The following PCLO variants were observed in gnomAD, a reference collection of about 807,000 sequenced individuals.
PCLO encodes protein piccolo.
A neutral mutation model predicts 427.5 loss-of-function variants in PCLO; 82 were observed. The ratio of observed to expected loss-of-function variants is 0.19; its 90% CI spans 0.16 to 0.23. PCLO has a LOEUF of 0.23. Ranked by LOEUF, PCLO falls within the 10% of genes least tolerant of loss-of-function variation. The probability of loss-of-function intolerance (pLI) is 1.00; values close to 1 mark genes in which losing one functional copy is unlikely to be tolerated. For synonymous variants in PCLO, 2,357 were observed against 2,155.4 expected (o/e 1.09, Z -2.59); for missense variants, 6,239 against 6,115.9 (o/e 1.02, Z -0.67).
intron 15 of PCLO, among the ~76,000 whole-genome samples, chr7:82,836,658 G>A (rs1386029844): frequency 1.3e-5 from 2 of 152,160 alleles, no homozygotes; most frequent in East Asian, 3.9e-4. Context: ...TATAGCACCT[G>A]GCAATTTAAA....
intron 22 of PCLO, among the ~76,000 whole-genome samples, chr7:82,794,526 C>T (rs1288709111): frequency 1.7e-5 from 2 of 116,210 alleles, no homozygotes; most frequent in African/African-American, 6.3e-5. Context: ...GGCTAGAGTG[C>T]AGTGGCACGA....
rs745483644 is a variant in PCLO, at chr7:82,845,311, C to A, written c.14006G>T (p.Gly4669Val). The change falls in exon 13 of 25, where the codon GGG becomes GTG. Residue 4669 changes from glycine (G) to valine (V), a missense_variant. By Grantham distance (109) the Gly-to-Val change is moderately radical (BLOSUM62 -3). Transcript: ENST00000333891. ...SSSVPSPGQP[G>V]SPSVSKKKHG... Reference sequence around the variant, plus strand: ...CTTCTTTTTGCTCACTGAGGGGGACCCTGGTTGCCCAGGGCTGGGAACGGA... The same window carrying A: ...CTTCTTTTTGCTCACTGAGGGGGACACTGGTTGCCCAGGGCTGGGAACGGA... The A allele has an allele frequency of 6.2e-7, 1 of 1,613,308 alleles. No homozygotes were observed. The highest frequency in any genetic ancestry group is 1.7e-5 in the Admixed American group (1 of 59,912).
chr7:82,787,757 CTATT>C (rs1791014279), intron 22 of PCLO, among the ~76,000 whole-genome samples: 1 of 151,916 alleles, frequency 6.6e-6, no homozygotes, highest in African/African-American at 2.4e-5. Context: ...TCACGGCTGA[CTATT>C]TAAAAAAACC....
At position 83,056,558 on chromosome 7, in the gene PCLO, T is replaced by G. The variant is rs563596817; in HGVS notation, c.3300+77692A>C. ...GTGGTCAGAACCGTCACTTTGTGAT[T>G]TAACCAGAGAAAATATTCAGCTCCT... On this transcript the variant is annotated intron_variant, in intron 3 of 24. Coordinates refer to ENST00000333891, the MANE Select transcript of PCLO (RefSeq NM_033026.6). 2.6e-5 allele frequency among the ~76,000 whole-genome samples: 4 copies of G among 152,340 alleles called. No individual in the cohort carries two copies. In the South Asian group the frequency reaches 8.3e-4, roughly 32 times the overall value.
In PCLO at chr7:82,805,724, GTGC is replaced by G; in HGVS notation, c.14894_14896del (p.Ser4965del). 1 of 1,612,916 alleles carries G rather than the reference GTGC, an allele frequency of 6.2e-7. No homozygotes were observed. Among genetic ancestry groups the G allele is most frequent in the Non-Finnish European group, 8.5e-7 (1 of 1,179,434 alleles). ...AGGAAATAGATTAGTCTCCCCTGCA[GTGC>G]TGCTGCTTCCTTCACTGTCCACGCT... On this transcript the variant is annotated inframe_deletion, in exon 21 of 25. Transcript: ENST00000333891.
At chr7:82,797,782 A>G (rs967838922) in intron 22 of PCLO, among the ~76,000 whole-genome samples, 13 of 152,144 alleles carry the variant, frequency 8.5e-5, no homozygotes, top group African/African-American at 3.1e-4. Flanking sequence ...AGAACCCTTC[A>G]TAGGGCTCAC....
chr7:83,035,094 A>C (rs1332496756), intron 3 of PCLO, among the ~76,000 whole-genome samples: 3 of 152,192 alleles, frequency 2.0e-5, no homozygotes, highest in African/African-American at 4.8e-5. Flanking sequence ...TAATTCTTAA[A>C]GTCCCATTAT....
chr7:82,914,493 T>C (rs1405510775), intron 7 of PCLO, 193 bp downstream of exon 7: 5 of 659,286 alleles, frequency 7.6e-6, no homozygotes, highest in Non-Finnish European at 1.3e-5. Flanking sequence ...AAAGTAAAAC[T>C]AAATAAAGAA....
At position 82,916,126 on chromosome 7, in the gene PCLO, A is replaced by T. The variant is rs1794455200; in HGVS notation, c.11860T>A (p.Ser3954Thr). 6.2e-7 allele frequency: 1 copy of T among 1,613,498 alleles called. No individual in the cohort carries two copies. Among genetic ancestry groups the T allele is most frequent in the Non-Finnish European group, 8.5e-7 (1 of 1,179,738 alleles). ...PTPQPSYQLP[S>T]QMMVIQQKPR... The stretch of plus-strand genomic sequence containing the variant: ...TTCTGTTGTATCACCATCATCTGTG[A>T]AGGTAACTGATAAGAAGGCTGTGGG... The change falls in exon 7 of 25, where the codon TCA becomes ACA. Residue 3954 changes from serine to threonine, a missense_variant. Around this residue, in one of 5 missense-constraint regions of PCLO, gnomAD observed 680 missense variants for 677.3 expected, o/e 1.00. Coordinates refer to ENST00000333891, the MANE Select transcript of PCLO (RefSeq NM_033026.6).
At chr7:82,819,038 T>C (rs1791735551) in intron 20 of PCLO, among the ~76,000 whole-genome samples, 1 of 152,204 alleles carries the variant, frequency 6.6e-6, no homozygotes, top group South Asian at 2.1e-4. Flanking sequence ...CTCTGCACTT[T>C]AAACAAATTA....
At position 82,952,350 on chromosome 7, in the gene PCLO, A is replaced by G; in HGVS notation, c.8603T>C (p.Ile2868Thr). The change falls in exon 5 of 25, where the codon ATT becomes ACT. Residue 2868 changes from isoleucine to threonine, a missense_variant. Ile to Thr is a moderately conservative substitution (Grantham distance 89, BLOSUM62 -1). This residue lies in a region of PCLO where 4,677 missense variants were observed against 4,468.4 expected (regional missense o/e 1.05). Transcript: ENST00000333891. Reference protein sequence around the residue: ...GTPAHAVTLAITKPVTVPPVG... With the variant: ...GTPAHAVTLATTKPVTVPPVG... Reference sequence around the variant, plus strand: ...AGGAGGCACAGTGACAGGTTTTGTAATAGCCAATGTCACTGCATGTGCTGG... The same window carrying G: ...AGGAGGCACAGTGACAGGTTTTGTAGTAGCCAATGTCACTGCATGTGCTGG... 2 of 1,613,960 alleles carry G rather than the reference A, an allele frequency of 1.2e-6. No individual in the cohort carries two copies. The highest frequency in any genetic ancestry group is 1.6e-4 in the Middle Eastern group (1 of 6,062).
At chr7:83,096,827 A>ATAT (rs1211110805) in intron 3 of PCLO, among the ~76,000 whole-genome samples, 2 of 55,762 alleles carry the variant, frequency 3.6e-5, no homozygotes, top group Admixed American at 3.4e-4. Flanking sequence ...ATAAATATAT[A>ATAT]AAAATATATT....
intron 3 of PCLO, among the ~76,000 whole-genome samples, chr7:83,009,962 ACT>A (rs888934258): frequency 1.3e-5 from 2 of 151,522 alleles, no homozygotes; most frequent in African/African-American, 2.4e-5. Context: ...GGTGAGCACC[ACT>A]CTCTATTTTT....
rs977355204 is a variant in PCLO at position 82,957,044 on chromosome 7, A to T, written c.4018-109T>A. On this transcript the variant is annotated intron_variant, in intron 4 of 24. Transcript: ENST00000333891. ...AGGAACTGAAAAATAATTTTGGAAA[A>T]TTTTTTCAACCATATCTCAGTATTT... 17 of 1,229,138 alleles carry T rather than the reference A, an allele frequency of 1.4e-5. No individual in the cohort carries two copies. The African/African-American group carries it at 2.5e-4, about 18-fold the overall frequency. 76.1% of individuals were successfully genotyped at this position (1,229,138 alleles called of 1,614,324 possible).
At chr7:82,991,355 G>A (rs951665197) in intron 3 of PCLO, among the ~76,000 whole-genome samples, 10 of 151,904 alleles carry the variant, frequency 6.6e-5, no homozygotes, top group East Asian at 3.9e-4. Context: ...GGGAGACTCC[G>A]TCTCTAAATA....
rs558738232 is a variant in PCLO at position 82,825,765 on chromosome 7, T to TTGTA, written c.14415+820_14415+823dup. 2.4e-3 allele frequency among the ~76,000 whole-genome samples: 292 copies of TTGTA among 122,682 alleles called. 4 individuals carry two copies. Among genetic ancestry groups the TTGTA allele is most frequent in the African/African-American group, 6.9e-3 (275 of 39,952 alleles). The allele number at this position is 122,682 out of a possible 152,430, so 80.5% of individuals were successfully genotyped here. On this transcript the variant is annotated intron_variant, in intron 18 of 24. Coordinates refer to ENST00000333891, the MANE Select transcript of PCLO (RefSeq NM_033026.6). Reference sequence around the variant, plus strand: ...TACATTGTATATAGACATATATACATTGTATATACACATGATATATACAAT... The same window carrying TTGTA: ...TACATTGTATATAGACATATATACATTGTATGTATATACACATGATATATACAAT...
chr7:83,047,701 C>G (rs1002077269), intron 3 of PCLO, among the ~76,000 whole-genome samples: 1 of 152,016 alleles, frequency 6.6e-6, no homozygotes, highest in African/African-American at 2.4e-5. Context: ...ATGATCACAT[C>G]AATCCACAAA....
At chr7:82,879,562 G>T in intron 9 of PCLO, 100 bp from the exon 10 acceptor site, 1 of 769,988 alleles carries the variant, frequency 1.3e-6, no homozygotes, top group Non-Finnish European at 2.1e-6. Flanking sequence ...GTATCCAGAA[G>T]CTAAATATAA....
chr7:83,102,268 C>T, intron 3 of PCLO, among the ~76,000 whole-genome samples: 1 of 116,350 alleles, frequency 8.6e-6, no homozygotes, highest in East Asian at 4.1e-4. Context: ...AAACCTTCAA[C>T]AAAAAAGGTC....
Sources: allele counts gnomAD v4.1 joint callset (sites outside exome capture counted in the v4.1 genomes callset), GRCh38; gene constraint gnomAD v4.1.1; regional missense constraint gnomAD v4.1.1; transcripts MANE v1.5; gene names NCBI Gene and HGNC (gene_info 2026-07-23, HGNC 2026-07-21).